Variants in GFPT1 observed in about 807,000 individuals in gnomAD.
GFPT1 encodes glutamine--fructose-6-phosphate transaminase 1.
GFPT1 carries 40 observed loss-of-function variants against 92.0 expected under a neutral mutation model. The ratio of observed to expected loss-of-function variants is 0.43; its 90% CI spans 0.34 to 0.57. The LOEUF is 0.57. Among genes scored for constraint, GFPT1 ranks in the 20% least tolerant of loss-of-function variants. The pLI is 0.02. For synonymous variants in GFPT1, 269 were observed against 280.6 expected, an observed-to-expected ratio of 0.96 and a Z score of 0.41; for missense variants, 448 against 869.1, an observed-to-expected ratio of 0.52 and a Z score of 6.09.
At chr2:69,384,408 A>C (rs1419330263) in intron 1 of GFPT1, among the ~76,000 whole-genome samples, 1 of 152,184 alleles carries the variant, frequency 6.6e-6, no homozygotes, top group Non-Finnish European at 1.5e-5. Flanking sequence ...CGTTGAAATA[A>C]AATAATCTTT....
At chr2:69,383,919 C>T (rs1420003098) in intron 1 of GFPT1, among the ~76,000 whole-genome samples, 6 of 152,178 alleles carry the variant, frequency 3.9e-5, no homozygotes, top group Admixed American at 2.0e-4. Context: ...TGAGCCACCG[C>T]GCCCATCCCC....
Position 69,322,357 on chromosome 2 carries a change from T to C in GFPT1, c.*3832A>G, listed in dbSNP as rs1670420145. On this transcript the variant is annotated 3_prime_UTR_variant, in exon 20 of 20. Coordinates refer to ENST00000357308, the MANE Select transcript of GFPT1 (RefSeq NM_001244710.2). ...TGTAGCATACAATAGTTAACATTAG[T>C]TCTTTTATTGCTATGGTATATGCTA... is the stretch of plus-strand genomic sequence containing the variant. 6.6e-6 allele frequency: 1 copy of C among 152,190 alleles called. No homozygotes were observed. Among genetic ancestry groups the C allele is most frequent in the East Asian group, 1.9e-4 (1 of 5,204 alleles). The allele number at this position is 152,190 out of a possible 1,614,324, so 9.4% of individuals were successfully genotyped here.
chr2:69,334,211 T>C (rs936910284), intron 15 of GFPT1, among the ~76,000 whole-genome samples: 1 of 152,054 alleles, frequency 6.6e-6, no homozygotes, highest in African/African-American at 2.4e-5. Flanking sequence ...CCCATTAACA[T>C]AAAAACTCTT....
At chr2:69,354,896 C>T (rs13408397) in intron 7 of GFPT1, among the ~76,000 whole-genome samples, 66,943 of 151,596 alleles carry the variant, frequency 0.44, 15,087 homozygotes, top group African/African-American at 0.53. Flanking sequence ...CTCAGCTACT[C>T]GGAAGGCTGA....
At chr2:69,359,772 C>A (rs2104658278) in intron 4 of GFPT1, among the ~76,000 whole-genome samples, 1 of 152,252 alleles carries the variant, frequency 6.6e-6, no homozygotes, top group South Asian at 2.1e-4. Context: ...AAACAATAAT[C>A]TGATTTACAC....
rs527601328 is a variant in GFPT1, at chr2:69,330,030, C to T, written c.1483-232G>A. On this transcript the variant is annotated intron_variant, in intron 15 of 19. Transcript: ENST00000357308. ...CTTAGGAGTTCGAGACCAGCCTGGG[C>T]AACATAGCGAAACCCTGTCTCTAAA... Among the ~76,000 whole-genome samples the T allele has an allele frequency of 3.9e-5, 6 of 152,096 alleles. No individual in the cohort carries two copies. In the South Asian group the frequency reaches 1.2e-3, roughly 32 times the overall value.
At position 69,340,188 on chromosome 2, in the gene GFPT1, G is replaced by C. The variant is rs928244879; in HGVS notation, c.1204-1623C>G. ...TTGGTTAAAGATGGGGTCTTGGTTTGTTGCCCAGGCTGGAGTGTAGCAGCT... is the reference window on the plus strand; with the variant it reads ...TTGGTTAAAGATGGGGTCTTGGTTTCTTGCCCAGGCTGGAGTGTAGCAGCT... On this transcript the variant is annotated intron_variant, in intron 13 of 19. Coordinates refer to ENST00000357308, the MANE Select transcript of GFPT1 (RefSeq NM_001244710.2). Among the ~76,000 whole-genome samples, 5 of 93,836 alleles carry C rather than the reference G, an allele frequency of 5.3e-5. No homozygotes were observed. The East Asian group carries it at 1.4e-3, about 26-fold the overall frequency. The allele number at this position is 93,836 out of a possible 152,430, so 61.6% of individuals were successfully genotyped here.
rs1055332753 is a variant in GFPT1, at chr2:69,355,515, A to G, written c.606-947T>C. On this transcript the variant is annotated intron_variant, in intron 7 of 19. Coordinates refer to ENST00000357308, the MANE Select transcript of GFPT1 (RefSeq NM_001244710.2). Reference sequence around the variant, plus strand: ...GCAGCTGCTTTCACACTACAACTGCAAAGTTGAGTAGTTGCTACAGAGGCT... The same window carrying G: ...GCAGCTGCTTTCACACTACAACTGCGAAGTTGAGTAGTTGCTACAGAGGCT... Among the ~76,000 whole-genome samples the G allele has an allele frequency of 5.9e-5, 9 of 152,314 alleles. 1 individual carries two copies. The highest frequency in any genetic ancestry group is 6.5e-5 in the Admixed American group (1 of 15,298).
chr2:69,380,258 G>A (rs141155116), intron 1 of GFPT1, among the ~76,000 whole-genome samples: 6 of 152,200 alleles, frequency 3.9e-5, no homozygotes, highest in Admixed American at 3.3e-4. Flanking sequence ...AATCACTTGA[G>A]CCCAGGAGGT....
intron 18 of GFPT1, among the ~76,000 whole-genome samples, chr2:69,327,732 G>C (rs1670564296): frequency 6.6e-6 from 1 of 152,132 alleles, no homozygotes; most frequent in South Asian, 2.1e-4. Context: ...AAAGAAGACA[G>C]GATGTGGAGA....
chr2:69,344,887 G>C (rs943306384), intron 12 of GFPT1, among the ~76,000 whole-genome samples: 4 of 151,828 alleles, frequency 2.6e-5, no homozygotes, highest in Non-Finnish European at 4.4e-5. Flanking sequence ...CCCGCTTTGG[G>C]TTCCCAAAGC....
At chr2:69,368,330 C>T (rs1355060699) in intron 3 of GFPT1, among the ~76,000 whole-genome samples, 8 of 152,036 alleles carry the variant, frequency 5.3e-5, no homozygotes, top group African/African-American at 1.9e-4. Flanking sequence ...TGCAGTGAAC[C>T]GAGATTGTGT....
Position 69,346,026 on chromosome 2 carries a change from AAAC to A in GFPT1, c.1010-30_1010-28del, listed in dbSNP as rs781225219. 2.6e-6 allele frequency: 3 copies of A among 1,171,220 alleles called. No homozygotes were observed. In the South Asian group the frequency reaches 3.7e-5, roughly 14 times the overall value. The allele number at this position is 1,171,220 out of a possible 1,614,324, so 72.6% of individuals were successfully genotyped here. On this transcript the variant is annotated intron_variant, in intron 11 of 19. Transcript: ENST00000357308. Reference sequence around the variant, plus strand: ...TATAGTAATAGAAATCACATAATTAAAACAAAAACAAATCAAATAAAAGAATTT... The same window carrying A: ...TATAGTAATAGAAATCACATAATTAAAAAAACAAATCAAATAAAAGAATTT...
At chr2:69,332,313 C>CTT (rs1257559725) in intron 15 of GFPT1, among the ~76,000 whole-genome samples, 15 of 134,388 alleles carry the variant, frequency 1.1e-4, no homozygotes, top group African/African-American at 2.7e-4. Flanking sequence ...CTTTTCTTTT[C>CTT]TTTTTTTTTT....
chr2:69,370,210 A>C (rs1671711429), intron 2 of GFPT1, 102 bp from the exon 3 acceptor site: 1 of 754,298 alleles, frequency 1.3e-6, no homozygotes, highest in Non-Finnish European at 2.4e-6. Context: ...TTCTCATCTA[A>C]TTAATTCACT....
chr2:69,326,134 A>C lies in GFPT1; in HGVS notation c.*55T>G. The C allele has an allele frequency of 8.8e-7, 1 of 1,140,306 alleles. No individual in the cohort carries two copies. The highest frequency in any genetic ancestry group is 1.3e-6 in the Non-Finnish European group (1 of 756,432). 70.6% of individuals were successfully genotyped at this position (1,140,306 alleles called of 1,614,324 possible). ...TTTTAAATCAAGGTTTTAAATACAAAAGGTGTCTTGTGTTGCTTAATCATA... is the reference window on the plus strand; with the variant it reads ...TTTTAAATCAAGGTTTTAAATACAACAGGTGTCTTGTGTTGCTTAATCATA... On this transcript the variant is annotated 3_prime_UTR_variant, in exon 20 of 20. Transcript: ENST00000357308.
At chr2:69,343,850 A>AT (rs1410093434) in intron 12 of GFPT1, among the ~76,000 whole-genome samples, 1 of 152,218 alleles carries the variant, frequency 6.6e-6, no homozygotes, top group Non-Finnish European at 1.5e-5. Flanking sequence ...ATTTTAAAAA[A>AT]TTAGCAAGTA....
intron 17 of GFPT1, among the ~76,000 whole-genome samples, chr2:69,328,700 C>CTTTTTTTTTTTTTTTTTTTTTT (rs780340372): frequency 1.0e-5 from 1 of 99,928 alleles, no homozygotes; most frequent in Non-Finnish European, 1.9e-5. Context: ...TCTGGTTAAC[C>CTTTTTTTTTTTTTTTTTTTTTT]CTTTTTTTTT....
At chr2:69,364,645 T>C (rs1202050672) in intron 3 of GFPT1, among the ~76,000 whole-genome samples, 1 of 152,254 alleles carries the variant, frequency 6.6e-6, no homozygotes, top group Non-Finnish European at 1.5e-5. Context: ...CGAGCAATGC[T>C]ATGAAAGTAT....
Sources: allele counts gnomAD v4.1 joint callset (sites outside exome capture counted in the v4.1 genomes callset), GRCh38; gene constraint gnomAD v4.1.1; transcripts MANE v1.5; gene names NCBI Gene and HGNC (gene_info 2026-07-23, HGNC 2026-07-21).